The following L3MBTL4 variants were observed in gnomAD, a reference collection of about 807,000 sequenced individuals.
L3MBTL4 encodes the protein L3MBTL histone methyl-lysine binding protein 4.
A neutral mutation model predicts 84.5 loss-of-function variants in L3MBTL4; 70 were observed. That is an observed-to-expected ratio of 0.83 (90% confidence interval 0.68 to 1.01). The LOEUF is 1.01. Ranked by LOEUF, L3MBTL4 falls within the 50% of genes least tolerant of loss-of-function variation. L3MBTL4 has a pLI of 0.00. For missense variants in L3MBTL4, 715 were observed against 754.8 expected (o/e 0.95, Z 0.62); for synonymous variants, 274 against 259.8 (o/e 1.05, Z -0.52).
intron 5 of L3MBTL4, among the ~76,000 whole-genome samples, chr18:6,263,563 G>A (rs1187330334): frequency 6.6e-6 from 1 of 152,164 alleles, no homozygotes; most frequent in Non-Finnish European, 1.5e-5. Context: ...CCCTCTAACT[G>A]CAGGTAATAC....
At chr18:6,108,280 T>TG (rs1244727663) in intron 14 of L3MBTL4, among the ~76,000 whole-genome samples, 2 of 152,208 alleles carry the variant, frequency 1.3e-5, no homozygotes, top group Non-Finnish European at 2.9e-5. Flanking sequence ...CAGGAGGATG[T>TG]GGGACTTGTG....
At chr18:6,031,082 T>C in intron 16 of L3MBTL4, 1 of 985,450 alleles carries the variant, frequency 1.0e-6, no homozygotes, top group Non-Finnish European at 1.2e-6. Context: ...AATTATTAAT[T>C]ATAGGAAGCT....
At chr18:6,356,985 A>G (rs963438157) in intron 1 of L3MBTL4, among the ~76,000 whole-genome samples, 1 of 152,222 alleles carries the variant, frequency 6.6e-6, no homozygotes, top group Non-Finnish European at 1.5e-5. Flanking sequence ...TCACTGGGTG[A>G]CAGGAATCTT....
At chr18:6,397,916 A>G (rs976248742) in intron 1 of L3MBTL4, 2 of 151,516 alleles carry the variant, frequency 1.3e-5, no homozygotes, top group African/African-American at 4.9e-5. Flanking sequence ...TTCCATAGTA[A>G]CCCCTCCTCT....
intron 1 of L3MBTL4, among the ~76,000 whole-genome samples, chr18:6,315,390 T>C (rs191701703): frequency 4.1e-4 from 63 of 152,356 alleles, no homozygotes; most frequent in African/African-American, 1.4e-3. Context: ...TAATTGATCC[T>C]TCTTAATTGT....
At chr18:6,170,630 T>A (rs560796500) in intron 13 of L3MBTL4, among the ~76,000 whole-genome samples, 1 of 151,288 alleles carries the variant, frequency 6.6e-6, no homozygotes, top group Middle Eastern at 3.4e-3. Flanking sequence ...TGGAGTGGAG[T>A]GAAGAGAGCT....
intron 12 of L3MBTL4, among the ~76,000 whole-genome samples, chr18:6,176,681 T>C (rs146189123): frequency 5.9e-5 from 9 of 152,312 alleles, no homozygotes; most frequent in Admixed American, 5.2e-4. Flanking sequence ...GCACTACCCA[T>C]ATAATAATAA....
intron 13 of L3MBTL4, among the ~76,000 whole-genome samples, chr18:6,149,993 A>G (rs2042822300): frequency 6.6e-6 from 1 of 152,174 alleles, no homozygotes; most frequent in African/African-American, 2.4e-5. Context: ...GTAAGGGGAG[A>G]TAAGAGACAG....
chr18:6,114,242 C>T (rs1462424252), intron 14 of L3MBTL4, among the ~76,000 whole-genome samples: 1 of 152,196 alleles, frequency 6.6e-6, no homozygotes, highest in Non-Finnish European at 1.5e-5. Context: ...TGGGCCTCCC[C>T]TCTGCTAATA....
chr18:6,227,865 C>T lies in L3MBTL4; in HGVS notation c.784+10099G>A, dbSNP rs185509616. ...TTTTTTTAATAGAGATATAGTCTTG[C>T]CATGTTGCCCAGTCTGGTCTTAAAC... On this transcript the variant is annotated intron_variant, in intron 10 of 18. Transcript: ENST00000317931. Among the ~76,000 whole-genome samples the T allele has an allele frequency of 8.2e-4, 125 of 152,124 alleles. No individual in the cohort carries two copies. In the East Asian group the frequency reaches 0.022, roughly 26 times the overall value.
intron 12 of L3MBTL4, among the ~76,000 whole-genome samples, chr18:6,208,807 G>A (rs2045977991): frequency 1.3e-5 from 2 of 152,138 alleles, no homozygotes; most frequent in South Asian, 2.1e-4. Context: ...CATCATAAAC[G>A]CTTATTAGAG....
intron 13 of L3MBTL4, among the ~76,000 whole-genome samples, chr18:6,159,988 T>C (rs1473366151): frequency 1.3e-5 from 2 of 152,128 alleles, no homozygotes; most frequent in African/African-American, 2.4e-5. Flanking sequence ...TCTGAAAGAG[T>C]GTTTAAAACA....
intron 1 of L3MBTL4, among the ~76,000 whole-genome samples, chr18:6,392,542 C>T (rs2055100298): frequency 6.7e-6 from 1 of 149,072 alleles, no homozygotes; most frequent in Admixed American, 6.6e-5. Flanking sequence ...GAACGAGAGA[C>T]TCTGTCTCAA....
intron 1 of L3MBTL4, among the ~76,000 whole-genome samples, chr18:6,389,437 A>G (rs1356053429): frequency 6.6e-6 from 1 of 152,218 alleles, no homozygotes; most frequent in Non-Finnish European, 1.5e-5. Context: ...CTGGAACAAT[A>G]CATCACATCT....
chr18:6,306,674 C>A (rs1388567514), intron 3 of L3MBTL4, among the ~76,000 whole-genome samples: 2 of 152,174 alleles, frequency 1.3e-5, no homozygotes, highest in Non-Finnish European at 2.9e-5. Context: ...GTACAACTTT[C>A]TCTGCTTGGC....
chr18:6,358,891 T>C (rs2053559687), intron 1 of L3MBTL4, among the ~76,000 whole-genome samples: 3 of 152,220 alleles, frequency 2.0e-5, no homozygotes, highest in Non-Finnish European at 2.9e-5. Context: ...AGTGGAGAAC[T>C]TGCCATGTCT....
intron 5 of L3MBTL4, among the ~76,000 whole-genome samples, chr18:6,252,289 G>A (rs547483501): frequency 2.2e-4 from 34 of 152,182 alleles, no homozygotes; most frequent in South Asian, 1.5e-3. Context: ...CTCCAGCCTC[G>A]GTGACAGAGC....
chr18:6,069,657 C>T (rs1416764934), intron 16 of L3MBTL4, among the ~76,000 whole-genome samples: 1 of 152,058 alleles, frequency 6.6e-6, no homozygotes, highest in African/African-American at 2.4e-5. Flanking sequence ...AGTATAACTG[C>T]CTCTTCTGCA....
At chr18:5,968,777 A>C (rs1399359591) in intron 17 of L3MBTL4, among the ~76,000 whole-genome samples, 1 of 152,222 alleles carries the variant, frequency 6.6e-6, no homozygotes, top group African/African-American at 2.4e-5. Flanking sequence ...AGGCATGTTT[A>C]TAATGAAATC....
Sources: allele counts gnomAD v4.1 joint callset (sites outside exome capture counted in the v4.1 genomes callset), GRCh38; gene constraint gnomAD v4.1.1; transcripts MANE v1.5; gene names NCBI Gene and HGNC (gene_info 2026-07-23, HGNC 2026-07-21).